Variants in PTPN13 observed in about 807,000 individuals in gnomAD.
The protein encoded by PTPN13 is protein tyrosine phosphatase non-receptor type 13.
A neutral mutation model predicts 284.0 loss-of-function variants in PTPN13; 191 were observed. That is an observed-to-expected ratio of 0.67 (90% CI 0.60 to 0.76). The LOEUF is 0.76. Among genes scored for constraint, PTPN13 ranks in the 30% least tolerant of loss-of-function variants. PTPN13 has a pLI of 0.00. For synonymous variants in PTPN13, 986 were observed against 1,022.3 expected (o/e 0.96, Z 0.68); for missense variants, 2,797 against 2,939.9 (o/e 0.95, Z 1.12).
chr4:86,704,652 A>G (rs1280143583), intron 7 of PTPN13, among the ~76,000 whole-genome samples: 1 of 152,308 alleles, frequency 6.6e-6, no homozygotes, highest in East Asian at 1.9e-4. Flanking sequence ...CGTATTTGTT[A>G]TAGGATGCAC....
chr4:86,714,871 C>A (rs1443405976), intron 7 of PTPN13, among the ~76,000 whole-genome samples: 1 of 151,982 alleles, frequency 6.6e-6, no homozygotes, highest in Non-Finnish European at 1.5e-5. Flanking sequence ...AGGAAACAAA[C>A]AAGTAGAGAA....
chr4:86,738,800 C>A (rs968601581), intron 15 of PTPN13, among the ~76,000 whole-genome samples: 8 of 152,118 alleles, frequency 5.3e-5, no homozygotes, highest in African/African-American at 1.9e-4. Flanking sequence ...TCTTCCTCAG[C>A]CTCCTGAGTA....
At chr4:86,688,963 T>G (rs1312002239) in intron 4 of PTPN13, 42 bp from the exon 5 acceptor site, 1 of 1,461,706 alleles carries the variant, frequency 6.8e-7, no homozygotes, top group Non-Finnish European at 9.5e-7. Flanking sequence ...AAAAAATATT[T>G]GCTCACATTT....
At chr4:86,660,934 G>C (rs904449713) in intron 2 of PTPN13, among the ~76,000 whole-genome samples, 6 of 152,038 alleles carry the variant, frequency 3.9e-5, no homozygotes, top group African/African-American at 1.2e-4. Flanking sequence ...CCTATCCTTG[G>C]TGATAAATGT....
At chr4:86,719,144 A>G (rs1733366346) in intron 9 of PTPN13, among the ~76,000 whole-genome samples, 1 of 152,148 alleles carries the variant, frequency 6.6e-6, no homozygotes, top group African/African-American at 2.4e-5. Flanking sequence ...TCCCCACTCA[A>G]GTAGACCCCA....
intron 6 of PTPN13, among the ~76,000 whole-genome samples, chr4:86,699,645 T>C (rs1373014011): frequency 1.3e-5 from 2 of 152,180 alleles, no homozygotes; most frequent in African/African-American, 2.4e-5. Context: ...ACCCACTTGT[T>C]TGATGTTTTT....
rs932494592 is a variant in PTPN13, at chr4:86,771,510, C to G, written c.5143C>G (p.Pro1715Ala). 1 of 1,570,252 alleles carries G rather than the reference C, an allele frequency of 6.4e-7. No individual in the cohort carries two copies. Among genetic ancestry groups the G allele is most frequent in the Non-Finnish European group, 8.7e-7 (1 of 1,155,064 alleles). ...CTMFYYPQKIPNKPEFEDSNP... is the reference protein window; with the variant it reads ...CTMFYYPQKIANKPEFEDSNP... Reference sequence around the variant, plus strand: ...CATGTTTTACTATCCTCAGAAAATTCCCAATAAACCAGAGTTTGAGGACAG... The same window carrying G: ...CATGTTTTACTATCCTCAGAAAATTGCCAATAAACCAGAGTTTGAGGACAG... The change falls in exon 31 of 48, where the codon CCC becomes GCC. Residue 1715 changes from proline (P) to alanine (A), a missense_variant. Physicochemically the swap from Pro to Ala is conservative, Grantham distance 27 (BLOSUM62 -1). Coordinates refer to ENST00000411767, the MANE Select transcript of PTPN13 (RefSeq NM_080683.3).
intron 2 of PTPN13, among the ~76,000 whole-genome samples, chr4:86,667,779 T>G (rs75892537): frequency 0.047 from 7,089 of 152,258 alleles, 219 homozygotes; most frequent in African/African-American, 0.061. Flanking sequence ...TGCCTGAATA[T>G]GCAAAGGGAT....
chr4:86,639,628 A>G (rs371576695), intron 2 of PTPN13, among the ~76,000 whole-genome samples: 95 of 151,246 alleles, frequency 6.3e-4, no homozygotes, highest in African/African-American at 2.0e-3. Context: ...GAATTGAACA[A>G]TGAGAACACA....
At chr4:86,733,103 A>T (rs562057346) in intron 12 of PTPN13, among the ~76,000 whole-genome samples, 5 of 152,142 alleles carry the variant, frequency 3.3e-5, no homozygotes, top group Non-Finnish European at 7.4e-5. Context: ...GCCTGAATGT[A>T]TAGCAAGACC....
intron 40 of PTPN13, among the ~76,000 whole-genome samples, chr4:86,794,711 T>C (rs1322290527): frequency 6.6e-6 from 1 of 152,006 alleles, no homozygotes; most frequent in Non-Finnish European, 1.5e-5. Flanking sequence ...TAAAGACCAA[T>C]GGAACAGAAC....
At chr4:86,736,527 T>G (rs1301276580) in intron 15 of PTPN13, among the ~76,000 whole-genome samples, 1 of 152,214 alleles carries the variant, frequency 6.6e-6, no homozygotes, top group Non-Finnish European at 1.5e-5. Flanking sequence ...ACATTACCTT[T>G]AATCTAGTGT....
At chr4:86,634,092 G>A (rs543278959) in intron 1 of PTPN13, among the ~76,000 whole-genome samples, 14 of 152,180 alleles carry the variant, frequency 9.2e-5, no homozygotes, top group Admixed American at 2.0e-4. Flanking sequence ...TTTTCAGTCA[G>A]GATTAAGTAC....
chr4:86,688,612 C>T (rs1007550514), intron 4 of PTPN13, among the ~76,000 whole-genome samples: 21 of 151,922 alleles, frequency 1.4e-4, no homozygotes, highest in African/African-American at 5.1e-4. Flanking sequence ...TATATTTATA[C>T]ACATTGAATG....
chr4:86,790,470 C>A (rs1742487675), intron 40 of PTPN13, among the ~76,000 whole-genome samples: 1 of 152,080 alleles, frequency 6.6e-6, no homozygotes, highest in Non-Finnish European at 1.5e-5. Context: ...AAAAATCAAA[C>A]ACACAAATAG....
chr4:86,652,398 T>C (rs932046934), intron 2 of PTPN13, among the ~76,000 whole-genome samples: 2 of 152,210 alleles, frequency 1.3e-5, no homozygotes, highest in African/African-American at 4.8e-5. Flanking sequence ...TCATAAACAT[T>C]CTTCCAGATT....
chr4:86,602,699 T>G (rs1764406630), intron 1 of PTPN13, among the ~76,000 whole-genome samples: 1 of 151,768 alleles, frequency 6.6e-6, no homozygotes, highest in African/African-American at 2.4e-5. Flanking sequence ...TTCTGATTTT[T>G]TTTTTTTTTT....
intron 35 of PTPN13, among the ~76,000 whole-genome samples, chr4:86,777,678 T>C (rs933474405): frequency 6.6e-6 from 1 of 152,226 alleles, no homozygotes; most frequent in African/African-American, 2.4e-5. Context: ...TTTTTGTTTG[T>C]GAATTATTTC....
chr4:86,651,186 C>T (rs1249033147), intron 2 of PTPN13, among the ~76,000 whole-genome samples: 2 of 152,132 alleles, frequency 1.3e-5, no homozygotes, highest in Non-Finnish European at 2.9e-5. Flanking sequence ...TAGTTTTTGT[C>T]TTTTATTCTG....
Sources: allele counts gnomAD v4.1 joint callset (sites outside exome capture counted in the v4.1 genomes callset), GRCh38; gene constraint gnomAD v4.1.1; transcripts MANE v1.5; gene names NCBI Gene and HGNC (gene_info 2026-07-23, HGNC 2026-07-21).